SYBU: variants seen among roughly 807,000 people sequenced by gnomAD.
The protein encoded by SYBU is syntabulin, also known as GOLSYN A protein.
SYBU carries 21 observed loss-of-function variants against 35.9 expected under a neutral mutation model. The ratio of observed to expected loss-of-function variants is 0.58; its 90% confidence interval spans 0.41 to 0.84. The LOEUF is 0.84. SYBU is among the 40% of genes least tolerant of loss of function. The pLI is 0.00. For synonymous variants in SYBU, 319 were observed against 324.3 expected (o/e 0.98, Z 0.18); for missense variants, 768 against 848.2 (o/e 0.91, Z 1.17).
chr8:109,619,094 G>GCACCGCATGGCTTCTCACCATC, intron 2 of SYBU, 55 bp from the exon 3 acceptor site: 1 of 1,419,770 alleles, frequency 7.0e-7, no homozygotes, highest in Non-Finnish European at 9.9e-7. Context: ...CAATGATGGT[G>GCACCGCATGGCTTCTCACCATC]AGAAGCCATG....
Position 109,585,733 on chromosome 8 carries a change from G to C in SYBU, c.530+327C>G, listed in dbSNP as rs948380829. On this transcript the variant is annotated intron_variant, in intron 4 of 6. Transcript: ENST00000276646. ...TCATAGCTTCACAGAGGGGAGGTAGGAGGGAAGTGGGAGACCACTAGCTTC... is the reference window on the plus strand; with the variant it reads ...TCATAGCTTCACAGAGGGGAGGTAGCAGGGAAGTGGGAGACCACTAGCTTC... The C allele has an allele frequency of 3.2e-5, 7 of 222,004 alleles. No homozygotes were observed. In the Admixed American group the frequency reaches 3.2e-4, roughly 10 times the overall value. The allele number at this position is 222,004 out of a possible 1,614,324, so 13.8% of individuals were successfully genotyped here.
At chr8:109,632,920 G>A (rs1813803103) in intron 2 of SYBU, among the ~76,000 whole-genome samples, 1 of 152,228 alleles carries the variant, frequency 6.6e-6, no homozygotes, top group South Asian at 2.1e-4. Flanking sequence ...GAATAGCCAT[G>A]CCGGTAGTGT....
intron 1 of SYBU, among the ~76,000 whole-genome samples, chr8:109,653,933 A>T (rs1486963922): frequency 6.6e-6 from 1 of 152,192 alleles, no homozygotes; most frequent in Non-Finnish European, 1.5e-5. Context: ...CTCTTAAGGC[A>T]TATTATCCTA....
chr8:109,581,927 T>C (rs1269477550), intron 4 of SYBU, among the ~76,000 whole-genome samples: 1 of 152,212 alleles, frequency 6.6e-6, no homozygotes, highest in Non-Finnish European at 1.5e-5. Context: ...ACGGAACAGA[T>C]GGGCTGATGG....
intron 2 of SYBU, among the ~76,000 whole-genome samples, chr8:109,630,399 T>C (rs1813482478): frequency 6.6e-6 from 1 of 150,976 alleles, no homozygotes; most frequent in African/African-American, 2.4e-5. Flanking sequence ...AATGTGCACA[T>C]GTACCCTAAA....
chr8:109,667,503 T>G (rs1816799341), intron 1 of SYBU, among the ~76,000 whole-genome samples: 1 of 141,724 alleles, frequency 7.1e-6, no homozygotes, highest in South Asian at 2.2e-4. Flanking sequence ...TTTTCAGTAG[T>G]GCCACAAAAA....
At chr8:109,626,603 C>T (rs1021479946) in intron 2 of SYBU, among the ~76,000 whole-genome samples, 7 of 152,108 alleles carry the variant, frequency 4.6e-5, no homozygotes, top group African/African-American at 1.4e-4. Context: ...AACAAAAATG[C>T]CTAAAAACCA....
chr8:109,654,274 T>C (rs1816270554), intron 1 of SYBU, among the ~76,000 whole-genome samples: 1 of 152,178 alleles, frequency 6.6e-6, no homozygotes. Flanking sequence ...CCTACTCCAC[T>C]CATGTACTCA....
intron 1 of SYBU, among the ~76,000 whole-genome samples, chr8:109,661,148 T>C (rs1586969320): frequency 6.6e-6 from 1 of 152,322 alleles, no homozygotes; most frequent in African/African-American, 2.4e-5. Flanking sequence ...AGTGTGTAAA[T>C]ACAGTAATCT....
At chr8:109,583,934 G>C (rs1055955487) in intron 4 of SYBU, among the ~76,000 whole-genome samples, 2 of 151,582 alleles carry the variant, frequency 1.3e-5, no homozygotes, top group Admixed American at 6.6e-5. Context: ...TCAACTTTAC[G>C]AGTAGCTGGG....
chr8:109,650,694 T>C (rs1171066857), intron 1 of SYBU, among the ~76,000 whole-genome samples: 1 of 152,184 alleles, frequency 6.6e-6, no homozygotes, highest in Non-Finnish European at 1.5e-5. Context: ...GCAGAAGAAT[T>C]TGTAGGAAAA....
chr8:109,664,968 T>C (rs1238136013), intron 1 of SYBU, among the ~76,000 whole-genome samples: 1 of 152,214 alleles, frequency 6.6e-6, no homozygotes, highest in East Asian at 1.9e-4. Flanking sequence ...TATATTCTAA[T>C]TTCCCTTCAT....
intron 3 of SYBU, among the ~76,000 whole-genome samples, chr8:109,615,445 C>T (rs1811628016): frequency 6.6e-6 from 1 of 152,048 alleles, no homozygotes; most frequent in Admixed American, 6.5e-5. Flanking sequence ...TTCCTCTCTT[C>T]ATATTTATGA....
chr8:109,671,447 C>T (rs1234788373), intron 1 of SYBU, among the ~76,000 whole-genome samples: 3 of 152,140 alleles, frequency 2.0e-5, no homozygotes, highest in Non-Finnish European at 4.4e-5. Flanking sequence ...TGGAGGGAAG[C>T]TCATTGAGGA....
chr8:109,659,735 A>T (rs1202138691), intron 1 of SYBU, among the ~76,000 whole-genome samples: 1 of 152,004 alleles, frequency 6.6e-6, no homozygotes, highest in Non-Finnish European at 1.5e-5. Context: ...TTCCCCCCAA[A>T]TCTTATAGGT....
At chr8:109,658,617 T>C (rs1252122120) in intron 1 of SYBU, among the ~76,000 whole-genome samples, 5 of 152,206 alleles carry the variant, frequency 3.3e-5, no homozygotes, top group South Asian at 2.1e-4. Context: ...TAAGCCAATA[T>C]GCTTGTTATT....
At chr8:109,670,948 C>T (rs1026065596) in intron 1 of SYBU, among the ~76,000 whole-genome samples, 2 of 151,962 alleles carry the variant, frequency 1.3e-5, no homozygotes, top group African/African-American at 2.4e-5. Context: ...CAAAGGGAAC[C>T]TTAATATAGA....
intron 4 of SYBU, chr8:109,581,065 A>G (rs1383594095): frequency 6.6e-6 from 1 of 152,206 alleles, no homozygotes. Context: ...CAGTGTAGGC[A>G]CACTCCTTAA....
rs532633102 is a variant in SYBU at position 109,623,261 on chromosome 8, A to G, written c.230-4222T>C. 2.6e-5 allele frequency among the ~76,000 whole-genome samples: 4 copies of G among 152,300 alleles called. No individual in the cohort carries two copies. The East Asian group carries it at 7.7e-4, about 29-fold the overall frequency. ...AGCCTCTGGTGGAACTCAGGTAAAC[A>G]TTACCCTCCTCAAGGCCACATCTAA... On this transcript the variant is annotated intron_variant, in intron 2 of 6. Coordinates refer to ENST00000276646, the MANE Select transcript of SYBU (RefSeq NM_001099754.2).
Sources: allele counts gnomAD v4.1 joint callset (sites outside exome capture counted in the v4.1 genomes callset), GRCh38; gene constraint gnomAD v4.1.1; transcripts MANE v1.5; gene names NCBI Gene and HGNC (gene_info 2026-07-23, HGNC 2026-07-21).